The following ARHGEF26 variants were observed in gnomAD, a reference collection of about 807,000 sequenced individuals.
ARHGEF26 encodes Rho guanine nucleotide exchange factor 26, also known as Rho guanine nucleotide exchange factor (GEF) 26.
In ARHGEF26, 59 loss-of-function variants were observed where a neutral mutation model predicts 89.4. The observed-to-expected ratio is 0.66, with a 90% CI of 0.54 to 0.82. ARHGEF26 has a LOEUF of 0.82. ARHGEF26 is among the 40% of genes least tolerant of loss of function. The pLI, the probability that ARHGEF26 is intolerant of heterozygous loss-of-function variation, is 0.00. For synonymous variants in ARHGEF26, 500 were observed against 428.4 expected (o/e 1.17, Z -2.06); for missense variants, 1,234 against 1,085.6 (o/e 1.14, Z -1.92).
intron 9 of ARHGEF26, among the ~76,000 whole-genome samples, chr3:154,214,212 A>G (rs1715581626): frequency 6.6e-6 from 1 of 152,198 alleles, no homozygotes; most frequent in Admixed American, 6.5e-5. Flanking sequence ...TTATTCTGAA[A>G]GCTTCAGGGA....
intron 12 of ARHGEF26, among the ~76,000 whole-genome samples, chr3:154,244,904 C>T (rs1717702794): frequency 6.8e-6 from 1 of 146,896 alleles, no homozygotes. Flanking sequence ...GGCTGTTCCA[C>T]CCCCACTTTG....
chr3:154,251,416 T>C (rs954581741), intron 12 of ARHGEF26, among the ~76,000 whole-genome samples: 1 of 152,168 alleles, frequency 6.6e-6, no homozygotes, highest in Non-Finnish European at 1.5e-5. Context: ...GATGAGTCAG[T>C]AAATGATTGG....
intron 9 of ARHGEF26, among the ~76,000 whole-genome samples, chr3:154,204,859 T>C (rs1191713869): frequency 1.3e-5 from 2 of 152,238 alleles, no homozygotes; most frequent in Non-Finnish European, 2.9e-5. Flanking sequence ...TTTAGTTTTA[T>C]TTCATTGTGG....
At chr3:154,241,058 A>C (rs1449854665) in intron 12 of ARHGEF26, among the ~76,000 whole-genome samples, 3 of 152,158 alleles carry the variant, frequency 2.0e-5, no homozygotes, top group Admixed American at 2.0e-4. Context: ...TATACTGATA[A>C]ATCCTCTTTC....
chr3:154,170,856 G>T (rs1712386100), intron 6 of ARHGEF26, among the ~76,000 whole-genome samples: 1 of 152,196 alleles, frequency 6.6e-6, no homozygotes, highest in East Asian at 1.9e-4. Context: ...AGGATAAATT[G>T]TATGGTCACC....
rs1371863165 is a variant in ARHGEF26 at position 154,257,083 on chromosome 3, T to C, written c.*1610T>C. The C allele has an allele frequency of 9.0e-6, 12 of 1,338,200 alleles. No individual in the cohort carries two copies. In the African/African-American group the frequency reaches 9.0e-5, roughly 10 times the overall value. 82.9% of individuals were successfully genotyped at this position (1,338,200 alleles called of 1,614,324 possible). A position where few individuals can be genotyped will look rare whatever the true frequency, so the allele number is the denominator to read the frequency against. ...ACTGTCCGCTAACTAGTTATCCAAA[T>C]TGTAAAGCTACAGAAGCCCAGTTGA... On this transcript the variant is annotated 3_prime_UTR_variant, in exon 15 of 15. Coordinates refer to ENST00000465093, the MANE Select transcript of ARHGEF26 (RefSeq NM_015595.4).
chr3:154,196,317 T>G (rs1272736169), intron 9 of ARHGEF26, among the ~76,000 whole-genome samples: 1 of 152,188 alleles, frequency 6.6e-6, no homozygotes, highest in Non-Finnish European at 1.5e-5. Context: ...TAGAAATATC[T>G]AGCTGAGAGG....
intron 6 of ARHGEF26, among the ~76,000 whole-genome samples, chr3:154,175,708 G>C (rs116988958): frequency 6.6e-6 from 1 of 152,240 alleles, no homozygotes; most frequent in East Asian, 1.9e-4. Flanking sequence ...TCTCAATAAC[G>C]GAAGGAGGGT....
intron 4 of ARHGEF26, among the ~76,000 whole-genome samples, chr3:154,147,558 A>G (rs1283533320): frequency 6.6e-6 from 1 of 152,234 alleles, no homozygotes; most frequent in Non-Finnish European, 1.5e-5. Context: ...AAGAAATGGG[A>G]TAAATTTGAC....
intron 9 of ARHGEF26, among the ~76,000 whole-genome samples, chr3:154,201,843 A>G (rs971778114): frequency 1.3e-5 from 2 of 151,946 alleles, no homozygotes; most frequent in Admixed American, 6.6e-5. Flanking sequence ...CCACTTGTTG[A>G]TGGGGTTGTT....
chr3:154,168,149 A>T (rs1378192286), intron 6 of ARHGEF26, among the ~76,000 whole-genome samples: 1 of 152,204 alleles, frequency 6.6e-6, no homozygotes, highest in Non-Finnish European at 1.5e-5. Flanking sequence ...CCCATTCTGT[A>T]ATTTACAGAT....
chr3:154,144,783 A>G (rs1008032577), intron 4 of ARHGEF26, among the ~76,000 whole-genome samples: 4 of 152,200 alleles, frequency 2.6e-5, no homozygotes, highest in African/African-American at 7.2e-5. Context: ...TTGAGATTCA[A>G]ACACTTTTTT....
At chr3:154,201,366 G>A (rs1714623837) in intron 9 of ARHGEF26, among the ~76,000 whole-genome samples, 1 of 152,048 alleles carries the variant, frequency 6.6e-6, no homozygotes, top group South Asian at 2.1e-4. Context: ...GTATTCCATG[G>A]TGTATATGTG....
In ARHGEF26 at chr3:154,216,033, G is replaced by C. The variant is rs796975593; in HGVS notation, c.1846-1836G>C. On this transcript the variant is annotated intron_variant, in intron 9 of 14. Coordinates refer to ENST00000465093, the MANE Select transcript of ARHGEF26 (RefSeq NM_015595.4). ...ATATAACATAGGAAAAAAAGAGAAA[G>C]TGTATGACCCAGTCTGTTTCCAACT... 3.3e-5 allele frequency among the ~76,000 whole-genome samples: 5 copies of C among 152,114 alleles called. No homozygotes were observed. In the South Asian group the frequency reaches 8.3e-4, roughly 25 times the overall value.
chr3:154,189,932 A>T (rs6767062), intron 7 of ARHGEF26, among the ~76,000 whole-genome samples: 1 of 151,968 alleles, frequency 6.6e-6, no homozygotes. Flanking sequence ...TTGTTTCTGT[A>T]TAATTTCTTT....
chr3:154,158,013 T>C (rs1360518251), intron 6 of ARHGEF26, among the ~76,000 whole-genome samples: 1 of 152,098 alleles, frequency 6.6e-6, no homozygotes, highest in Non-Finnish European at 1.5e-5. Context: ...CCCCTAAGGA[T>C]ACTTGGAAAT....
In ARHGEF26 at chr3:154,256,995, G is replaced by A. The variant is rs533312260; in HGVS notation, c.*1522G>A. ...TCTGTTCTATTTGCTTTAACAAAGG[G>A]ATAAAACCTGGCAAAGTGTACATTA... On this transcript the variant is annotated 3_prime_UTR_variant, in exon 15 of 15. Transcript: ENST00000465093. The A allele has an allele frequency of 6.6e-7, 1 of 1,513,670 alleles. No homozygotes were observed. Among genetic ancestry groups the A allele is most frequent in the African/African-American group, 1.4e-5 (1 of 71,938 alleles). The allele number at this position is 1,513,670 out of a possible 1,614,324, so 93.8% of individuals were successfully genotyped here.
At chr3:154,242,280 A>C (rs1472130417) in intron 12 of ARHGEF26, among the ~76,000 whole-genome samples, 1 of 152,244 alleles carries the variant, frequency 6.6e-6, no homozygotes, top group African/African-American at 2.4e-5. Flanking sequence ...AAGATTCACC[A>C]TCGTAGATGT....
chr3:154,157,108 C>CTGTG (rs149749422), intron 6 of ARHGEF26, among the ~76,000 whole-genome samples: 2 of 151,746 alleles, frequency 1.3e-5, no homozygotes, highest in African/African-American at 2.4e-5. Flanking sequence ...ATCATTCTGA[C>CTGTG]TGTGTGTGTG....
Sources: allele counts gnomAD v4.1 joint callset (sites outside exome capture counted in the v4.1 genomes callset), GRCh38; gene constraint gnomAD v4.1.1; transcripts MANE v1.5; gene names NCBI Gene and HGNC (gene_info 2026-07-23, HGNC 2026-07-21).